DIAPH3: variants seen among roughly 807,000 people sequenced by gnomAD.
The protein encoded by DIAPH3 is diaphanous related formin 3, also known as protein diaphanous homolog 3.
DIAPH3 carries 117 observed loss-of-function variants against 144.3 expected under a neutral mutation model. The ratio of observed to expected loss-of-function variants is 0.81; its 90% CI spans 0.70 to 0.95. The LOEUF is 0.95. DIAPH3 is among the 40% of genes least tolerant of loss of function. The pLI is 0.00. For synonymous variants in DIAPH3, 519 were observed against 488.9 expected (o/e 1.06, Z -0.81); for missense variants, 1,421 against 1,412.7 (o/e 1.01, Z -0.09).
chr13:59,841,639 T>C (rs746735905), intron 22 of DIAPH3, among the ~76,000 whole-genome samples: 17 of 152,170 alleles, frequency 1.1e-4, no homozygotes, highest in Non-Finnish European at 2.2e-4. Context: ...AAGCCATACA[T>C]CTACTTTGTG....
chr13:60,002,811 A>G (rs1415305559), intron 9 of DIAPH3, among the ~76,000 whole-genome samples: 1 of 152,182 alleles, frequency 6.6e-6, no homozygotes, highest in Non-Finnish European at 1.5e-5. Context: ...TCACAATTCA[A>G]TCAGTCGTAT....
chr13:59,913,817 G>T (rs774442093), intron 19 of DIAPH3, among the ~76,000 whole-genome samples: 3 of 152,042 alleles, frequency 2.0e-5, no homozygotes, highest in Non-Finnish European at 4.4e-5. Context: ...AATTAGCTGG[G>T]AGTGGTGGCG....
At position 59,991,615 on chromosome 13, in the gene DIAPH3, T is replaced by C. The variant is rs187447102; in HGVS notation, c.1245-341A>G. ...ACAGAGCTGGTGGTCAGGTTAATTA[T>C]CTACCATGAAGAAGCCCCAGGTGAG... On this transcript the variant is annotated intron_variant, in intron 11 of 27. Coordinates refer to ENST00000400324, the MANE Select transcript of DIAPH3 (RefSeq NM_001042517.2). Among the ~76,000 whole-genome samples the C allele has an allele frequency of 3.7e-3, 557 of 151,968 alleles. 6 individuals are homozygous for C. The highest frequency in any genetic ancestry group is 0.013 in the African/African-American group (536 of 41,494).
At chr13:59,698,127 A>G (rs2033918901) in intron 27 of DIAPH3, among the ~76,000 whole-genome samples, 2 of 152,232 alleles carry the variant, frequency 1.3e-5, no homozygotes, top group African/African-American at 4.8e-5. Context: ...TTCAACCACT[A>G]AAATATGGAC....
At chr13:59,789,233 C>T (rs2039203298) in intron 25 of DIAPH3, among the ~76,000 whole-genome samples, 1 of 152,102 alleles carries the variant, frequency 6.6e-6, no homozygotes, top group South Asian at 2.1e-4. Context: ...ACCCACGATC[C>T]TTTAATCACA....
At chr13:59,772,643 C>T (rs922245370) in intron 27 of DIAPH3, among the ~76,000 whole-genome samples, 4 of 152,050 alleles carry the variant, frequency 2.6e-5, no homozygotes, top group Non-Finnish European at 5.9e-5. Context: ...CTGAGTTCTC[C>T]AAGACCAGTG....
intron 9 of DIAPH3, among the ~76,000 whole-genome samples, chr13:60,003,650 T>C (rs1455202366): frequency 6.6e-6 from 1 of 151,944 alleles, no homozygotes; most frequent in Non-Finnish European, 1.5e-5. Context: ...CTCGGCTCAC[T>C]GCAAGCACCG....
At chr13:59,749,008 G>A (rs148119853) in intron 27 of DIAPH3, among the ~76,000 whole-genome samples, 5,858 of 151,928 alleles carry the variant, frequency 0.039, 379 homozygotes, top group African/African-American at 0.13. Context: ...GAGGTCAGGA[G>A]TTCGAGACCA....
chr13:59,830,978 G>A (rs1211559366), intron 24 of DIAPH3, among the ~76,000 whole-genome samples: 1 of 151,760 alleles, frequency 6.6e-6, no homozygotes, highest in Non-Finnish European at 1.5e-5. Flanking sequence ...ATGACATAAT[G>A]TTTAAGAGTT....
At chr13:59,880,349 C>T (rs1044033260) in intron 20 of DIAPH3, among the ~76,000 whole-genome samples, 2 of 151,840 alleles carry the variant, frequency 1.3e-5, no homozygotes, top group Non-Finnish European at 2.9e-5. Flanking sequence ...ACTGAAGGGG[C>T]GGTAATAGTA....
intron 14 of DIAPH3, 87 bp from the exon 15 acceptor site, chr13:59,974,543 T>C: frequency 1.8e-6 from 2 of 1,115,662 alleles, no homozygotes; most frequent in Non-Finnish European, 2.6e-6. Context: ...TCGAATGATC[T>C]GCCGGTAGAA....
intron 25 of DIAPH3, among the ~76,000 whole-genome samples, chr13:59,795,645 G>A (rs2039560134): frequency 6.6e-6 from 1 of 151,854 alleles, no homozygotes; most frequent in African/African-American, 2.4e-5. Flanking sequence ...AATAGACACA[G>A]GGTTTCACTG....
At chr13:59,682,935 GTTAAAAGCGGTACT>G (rs555889437) in intron 27 of DIAPH3, among the ~76,000 whole-genome samples, 1 of 152,274 alleles carries the variant, frequency 6.6e-6, no homozygotes, top group East Asian at 1.9e-4. Context: ...CATTCTTTGT[GTTAAAAGCGGTACT>G]TTAATGCAGA....
At chr13:59,960,555 T>A (rs2140494078) in intron 17 of DIAPH3, among the ~76,000 whole-genome samples, 1 of 152,330 alleles carries the variant, frequency 6.6e-6, no homozygotes, top group East Asian at 1.9e-4. Context: ...CTTATTTGCC[T>A]ATCAAATAAA....
chr13:59,770,138 A>G (rs1318225615), intron 27 of DIAPH3, among the ~76,000 whole-genome samples: 1 of 152,060 alleles, frequency 6.6e-6, no homozygotes, highest in Non-Finnish European at 1.5e-5. Flanking sequence ...AAACAATCAA[A>G]TATCTCCTTT....
chr13:59,821,292 A>G (rs571641522), intron 24 of DIAPH3, among the ~76,000 whole-genome samples: 14 of 152,220 alleles, frequency 9.2e-5, no homozygotes, highest in African/African-American at 3.4e-4. Context: ...CAGGTCTCAC[A>G]CATTCCCACT....
chr13:59,698,857 A>G (rs980274286), intron 27 of DIAPH3, among the ~76,000 whole-genome samples: 5 of 152,222 alleles, frequency 3.3e-5, no homozygotes, highest in Non-Finnish European at 7.3e-5. Flanking sequence ...TCACTGAAGC[A>G]AAATGAGAAA....
chr13:60,008,429 A>T (rs535980895), intron 9 of DIAPH3, 115 bp downstream of exon 9: 312 of 686,304 alleles, frequency 4.5e-4, no homozygotes, highest in Middle Eastern at 2.8e-3. Context: ...GCTATAAAAG[A>T]ATATTAAAAG....
chr13:59,858,984 T>C (rs1017751558), intron 22 of DIAPH3, among the ~76,000 whole-genome samples: 1 of 152,160 alleles, frequency 6.6e-6, no homozygotes, highest in Non-Finnish European at 1.5e-5. Context: ...TACTTTTTAA[T>C]TCATGTGATA....
Sources: allele counts gnomAD v4.1 joint callset (sites outside exome capture counted in the v4.1 genomes callset), GRCh38; gene constraint gnomAD v4.1.1; transcripts MANE v1.5; gene names NCBI Gene and HGNC (gene_info 2026-07-23, HGNC 2026-07-21).